The following SH3RF2 variants were observed in gnomAD, a reference collection of about 807,000 sequenced individuals.
The protein encoded by SH3RF2 is SH3 domain containing ring finger 2.
SH3RF2 carries 43 observed loss-of-function variants against 59.0 expected under a neutral mutation model. That is an observed-to-expected ratio of 0.73 (90% CI 0.57 to 0.94). The LOEUF is 0.94. SH3RF2 is among the 40% of genes least tolerant of loss of function. The probability of loss-of-function intolerance (pLI) is 0.00; values close to 1 mark genes in which losing one functional copy is unlikely to be tolerated. For missense variants in SH3RF2, 930 were observed against 940.1 expected, an observed-to-expected ratio of 0.99 and a Z score of 0.14; for synonymous variants, 391 against 391.5, an observed-to-expected ratio of 1.00 and a Z score of 0.01.
At position 146,062,653 on chromosome 5, in the gene SH3RF2, C is replaced by G. The variant is rs1198637096; in HGVS notation, c.2142C>G (p.Thr714=). The G allele has an allele frequency of 6.2e-7, 1 of 1,614,186 alleles. No homozygotes were observed. The highest frequency in any genetic ancestry group is 8.5e-7 in the Non-Finnish European group (1 of 1,180,018). ...RRKSALGKAT[T]LVSTASGTQT... is the part of the protein sequence containing the mutation. ...AGTCAGCTCTTGGCAAGGCCACAAC[C>G]CTGGTGTCCACTGCCTCAGGCACGC... Residue 714 remains threonine, a synonymous_variant, in exon 10 of 10, where the codon ACC becomes ACG. Coordinates refer to ENST00000359120, the MANE Select transcript of SH3RF2 (RefSeq NM_152550.4).
intron 5 of SH3RF2, among the ~76,000 whole-genome samples, chr5:146,017,430 G>A (rs1327374540): frequency 1.3e-5 from 2 of 152,094 alleles, no homozygotes; most frequent in Non-Finnish European, 2.9e-5. Flanking sequence ...TTCAGGATGT[G>A]GATCCTGCTC....
At chr5:146,040,844 A>C (rs1157999497) in intron 5 of SH3RF2, among the ~76,000 whole-genome samples, 2 of 152,218 alleles carry the variant, frequency 1.3e-5, no homozygotes, top group East Asian at 1.9e-4. Context: ...GCCTCCTGGC[A>C]GCCGAAGCTC....
chr5:145,949,525 G>C (rs1025361251), intron 2 of SH3RF2, among the ~76,000 whole-genome samples: 1 of 152,172 alleles, frequency 6.6e-6, no homozygotes, highest in African/African-American at 2.4e-5. Flanking sequence ...GAAATGGAGG[G>C]GCAGAAGAGA....
intron 2 of SH3RF2, among the ~76,000 whole-genome samples, chr5:145,940,097 C>A (rs577655908): frequency 1.3e-5 from 2 of 152,146 alleles, no homozygotes; most frequent in South Asian, 4.1e-4. Context: ...CATTAAGATA[C>A]TGGGTCTCTC....
intron 2 of SH3RF2, among the ~76,000 whole-genome samples, chr5:145,942,697 A>G (rs893024403): frequency 4.6e-5 from 7 of 152,226 alleles, no homozygotes; most frequent in African/African-American, 1.7e-4. Context: ...AGGTGGAGGA[A>G]GACATAAAGG....
chr5:145,972,379 G>A (rs1479269616), intron 2 of SH3RF2, among the ~76,000 whole-genome samples: 6 of 152,180 alleles, frequency 3.9e-5, no homozygotes, highest in Non-Finnish European at 8.8e-5. Context: ...CACCTCCTAA[G>A]GGAGCAAGTG....
At chr5:146,018,417 A>G (rs1465687693) in intron 5 of SH3RF2, among the ~76,000 whole-genome samples, 1 of 152,092 alleles carries the variant, frequency 6.6e-6, no homozygotes. Context: ...TTGTTGCACA[A>G]GACATTATTT....
intron 2 of SH3RF2, among the ~76,000 whole-genome samples, chr5:145,993,709 G>A (rs2149978737): frequency 6.6e-6 from 1 of 152,358 alleles, no homozygotes; most frequent in East Asian, 1.9e-4. Flanking sequence ...ACACAGCACG[G>A]GGACCCTGGG....
At chr5:146,009,856 A>G (rs374510270) in intron 4 of SH3RF2, among the ~76,000 whole-genome samples, 5 of 152,160 alleles carry the variant, frequency 3.3e-5, no homozygotes, top group African/African-American at 1.2e-4. Context: ...AGCGACATTC[A>G]ATAAAATTTT....
chr5:145,965,226 A>G (rs952945469), intron 2 of SH3RF2, among the ~76,000 whole-genome samples: 2 of 152,018 alleles, frequency 1.3e-5, no homozygotes, highest in African/African-American at 4.8e-5. Context: ...AAAAAAACCT[A>G]GAACTGTATT....
intron 7 of SH3RF2, among the ~76,000 whole-genome samples, chr5:146,053,592 G>A (rs957841850): frequency 3.9e-5 from 6 of 152,084 alleles, no homozygotes; most frequent in African/African-American, 1.4e-4. Flanking sequence ...AAGACCACTC[G>A]ATGTGAGAAC....
intron 2 of SH3RF2, among the ~76,000 whole-genome samples, chr5:145,984,222 A>C (rs539545671): frequency 6.6e-6 from 1 of 152,304 alleles, no homozygotes; most frequent in East Asian, 1.9e-4. Context: ...ATAAAGATGA[A>C]TAAGTCATAC....
intron 5 of SH3RF2, among the ~76,000 whole-genome samples, chr5:146,041,846 G>A (rs765149474): frequency 4.6e-5 from 7 of 152,140 alleles, no homozygotes; most frequent in Non-Finnish European, 1.0e-4. Flanking sequence ...CGGGAGGATC[G>A]ATTGAACCCG....
At chr5:146,061,341 A>G (rs948778136) in intron 9 of SH3RF2, among the ~76,000 whole-genome samples, 1 of 152,228 alleles carries the variant, frequency 6.6e-6, no homozygotes, top group Middle Eastern at 3.2e-3. Context: ...CTATCAGCTC[A>G]TAGGGAAAGG....
intron 2 of SH3RF2, among the ~76,000 whole-genome samples, chr5:145,963,076 T>G (rs960501440): frequency 2.0e-5 from 3 of 151,766 alleles, no homozygotes; most frequent in Admixed American, 1.3e-4. Context: ...TTTTTGTATT[T>G]TTAGTAGAGA....
chr5:145,972,532 G>T (rs772930512), intron 2 of SH3RF2, among the ~76,000 whole-genome samples: 1 of 152,114 alleles, frequency 6.6e-6, no homozygotes, highest in Non-Finnish European at 1.5e-5. Context: ...AGGCTCCAGG[G>T]TGCCATTCAC....
At chr5:145,965,022 G>A (rs1358904665) in intron 2 of SH3RF2, among the ~76,000 whole-genome samples, 12 of 151,888 alleles carry the variant, frequency 7.9e-5, no homozygotes, top group Non-Finnish European at 8.8e-5. Flanking sequence ...GTGAAACCCC[G>A]TCTCTACTAA....
Position 146,001,594 on chromosome 5 carries a change from G to A in SH3RF2, c.648+1267G>A, listed in dbSNP as rs112179020. Among the ~76,000 whole-genome samples the A allele has an allele frequency of 1.7e-3, 264 of 152,284 alleles. 1 individual carries two copies. The highest frequency in any genetic ancestry group is 3.4e-3 in the Non-Finnish European group (230 of 68,034). ...ATATTTATTATTTACTTTGTGCCAG[G>A]CATTAGACACACAGCTGGAGGAAGA... On this transcript the variant is annotated intron_variant, in intron 3 of 9. Transcript: ENST00000359120.
downstream of SH3RF2, among the ~76,000 whole-genome samples, chr5:146,064,213 T>C (rs1209067779): frequency 1.3e-5 from 2 of 148,532 alleles, no homozygotes; most frequent in Admixed American, 6.8e-5. Flanking sequence ...TGAAAGAGGA[T>C]TGAGGGAAAG....
Sources: gnomAD v4.1 joint callset for allele counts (sites outside exome capture counted in the v4.1 genomes callset) on GRCh38, gnomAD v4.1.1 for gene constraint, MANE v1.5 for transcripts, NCBI Gene and HGNC (gene_info 2026-07-23, HGNC 2026-07-21) for gene names.